DENND2B: variants seen among roughly 807,000 people sequenced by gnomAD.
DENND2B encodes the protein DENN domain-containing protein 2B.
Under a neutral mutation model 116.0 loss-of-function variants are expected in DENND2B, and 32 were observed. The observed-to-expected ratio is 0.28, with a 90% CI of 0.21 to 0.37. The LOEUF is 0.37. Among genes scored for constraint, DENND2B ranks in the 10% least tolerant of loss-of-function variants. The pLI is 1.00. For missense variants in DENND2B, 1,276 were observed against 1,477.7 expected, an observed-to-expected ratio of 0.86 and a Z score of 2.24; for synonymous variants, 588 against 583.9, an observed-to-expected ratio of 1.01 and a Z score of -0.10.
chr11:8,890,366 C>T (rs988123038), intron 1 of DENND2B, among the ~76,000 whole-genome samples: 1 of 152,100 alleles, frequency 6.6e-6, no homozygotes, highest in Non-Finnish European at 1.5e-5. Context: ...AAGCTCCTCG[C>T]CAGCAACAGA....
intron 2 of DENND2B, 98 bp downstream of exon 2, chr11:8,750,523 G>T: frequency 9.8e-7 from 1 of 1,016,904 alleles, no homozygotes; most frequent in Non-Finnish European, 1.5e-6. Context: ...TCACCTGGAT[G>T]ACTGTCAGTC....
intron 3 of DENND2B, among the ~76,000 whole-genome samples, chr11:8,856,393 T>C (rs2063193885): frequency 6.6e-6 from 1 of 152,236 alleles, no homozygotes; most frequent in African/African-American, 2.4e-5. Flanking sequence ...TTTCTGGGTA[T>C]GGAAAAATTT....
At chr11:8,820,820 C>CA (rs1445388393) in intron 4 of DENND2B, among the ~76,000 whole-genome samples, 1 of 152,110 alleles carries the variant, frequency 6.6e-6, no homozygotes, top group Non-Finnish European at 1.5e-5. Context: ...TATTGTGCAG[C>CA]CATTGTAAGA....
chr11:8,812,829 CA>C (rs2061438282), upstream of DENND2B, among the ~76,000 whole-genome samples: 1 of 152,188 alleles, frequency 6.6e-6, no homozygotes, highest in African/African-American at 2.4e-5. Context: ...TCACCAAAAA[CA>C]AACAAAAAAC....
intron 1 of DENND2B, among the ~76,000 whole-genome samples, chr11:8,755,176 G>A (rs1459888152): frequency 1.3e-5 from 2 of 152,180 alleles, no homozygotes; most frequent in Non-Finnish European, 2.9e-5. Flanking sequence ...CACGGAAGCT[G>A]AACAGTTTAC....
intron 13 of DENND2B, among the ~76,000 whole-genome samples, chr11:8,706,502 A>G (rs2042630105): frequency 6.7e-6 from 1 of 149,458 alleles, no homozygotes; most frequent in Non-Finnish European, 1.5e-5. Flanking sequence ...TTCTCTTTCC[A>G]TCTCCCTCCT....
chr11:8,846,550 C>T (rs542334126), intron 3 of DENND2B, among the ~76,000 whole-genome samples: 136 of 152,144 alleles, frequency 8.9e-4, no homozygotes, highest in Non-Finnish European at 9.1e-4. Context: ...CAGGGCAGAA[C>T]CTACAGATGG....
intron 2 of DENND2B, among the ~76,000 whole-genome samples, chr11:8,864,894 A>C (rs1165541465): frequency 6.6e-6 from 1 of 152,132 alleles, no homozygotes; most frequent in Non-Finnish European, 1.5e-5. Flanking sequence ...TCTAAATTCA[A>C]ACTTGTCCTT....
intron 2 of DENND2B, among the ~76,000 whole-genome samples, chr11:8,749,913 C>T (rs748271136): frequency 2.0e-5 from 3 of 152,184 alleles, no homozygotes; most frequent in Non-Finnish European, 4.4e-5. Flanking sequence ...GAGTACTGTG[C>T]ATCTATCTGT....
chr11:8,694,069 A>C lies in DENND2B; in HGVS notation c.*27T>G, dbSNP rs1186561400. The C allele has an allele frequency of 3.1e-6, 5 of 1,613,854 alleles. No homozygotes were observed. On this transcript the variant is annotated 3_prime_UTR_variant, in exon 20 of 20. Coordinates refer to ENST00000313726, the MANE Select transcript of DENND2B (RefSeq NM_213618.2). ...CCCCAGGCTTCAGGCTCTGCAAGGC[A>C]CTGGACTCTGCTACTGAGAAGGAGG...
Position 8,707,373 on chromosome 11 carries a change from C to G in DENND2B, c.2431-148G>C. ...GTGGTCTTGCCATGATCTGCACACT[C>G]TACCCTTCCCGTTTTCCTTGGCACT... On this transcript the variant is annotated intron_variant, in intron 12 of 19. Transcript: ENST00000313726. The surrounding 1 kb of genome is among the most constrained non-coding windows in gnomAD (Gnocchi z 4.8). 1 of 1,044,360 alleles carries G rather than the reference C, an allele frequency of 9.6e-7. No individual in the cohort carries two copies. Among genetic ancestry groups the G allele is most frequent in the Admixed American group, 2.9e-5 (1 of 34,466 alleles). 64.7% of individuals were successfully genotyped at this position (1,044,360 alleles called of 1,614,324 possible).
chr11:8,910,349 T>C (rs1226375995), intron 1 of DENND2B, among the ~76,000 whole-genome samples: 2 of 151,146 alleles, frequency 1.3e-5, no homozygotes, highest in Non-Finnish European at 2.9e-5. Context: ...CACCCCAAAA[T>C]GTAGACCAAG....
At position 8,714,698 on chromosome 11, in the gene DENND2B, T is replaced by C; in HGVS notation, c.1854A>G (p.Gln618=). 1.2e-6 allele frequency: 2 copies of C among 1,614,194 alleles called. No homozygotes were observed. The highest frequency in any genetic ancestry group is 1.7e-6 in the Non-Finnish European group (2 of 1,180,030). ...TGGCATTGTAGATGGAGTTAATTCT[T>C]TGGACAAGCTGGGTGAGAAAAGCAG... ...RRARRIPKLV[Q]RINSIYNAKR... The change falls in exon 7 of 20, where the codon CAA becomes CAG. Residue 618 remains glutamine (Q), a synonymous_variant. Transcript: ENST00000313726.
Position 8,712,774 on chromosome 11 carries a change from G to A in DENND2B, c.1988-39C>T. 1 of 1,579,024 alleles carries A rather than the reference G, an allele frequency of 6.3e-7. No individual in the cohort carries two copies. Among genetic ancestry groups the A allele is most frequent in the Non-Finnish European group, 8.6e-7 (1 of 1,163,250 alleles). The stretch of plus-strand genomic sequence containing the variant: ...GCACATCAGGGAATGGACCCTCACA[G>A]GCCTCATGTTAACTCCTCTACCCCT... On this transcript the variant is annotated intron_variant, in intron 8 of 19. Coordinates refer to ENST00000313726, the MANE Select transcript of DENND2B (RefSeq NM_213618.2). This position sits in a 1 kb window ranked among gnomAD's most constrained non-coding sequence, Gnocchi z 4.4.
intron 1 of DENND2B, among the ~76,000 whole-genome samples, chr11:8,883,716 A>G (rs2063928069): frequency 6.6e-6 from 1 of 152,236 alleles, no homozygotes; most frequent in Non-Finnish European, 1.5e-5. Flanking sequence ...ACAATTTTAT[A>G]CCACATTTTC....
chr11:8,802,267 C>A (rs1593916332), intron 1 of DENND2B, among the ~76,000 whole-genome samples: 2 of 151,100 alleles, frequency 1.3e-5, no homozygotes, highest in East Asian at 3.9e-4. Context: ...TGCCACTGCA[C>A]TCCAGCCTGG....
At chr11:8,880,999 AC>A (rs1226609624) in intron 2 of DENND2B, 1 of 152,178 alleles carries the variant, frequency 6.6e-6, no homozygotes, top group Non-Finnish European at 1.5e-5. Flanking sequence ...ATTTTGAAGA[AC>A]GACCCTTACC....
chr11:8,833,668 C>T (rs1450709428), intron 4 of DENND2B, among the ~76,000 whole-genome samples: 2 of 152,228 alleles, frequency 1.3e-5, no homozygotes, highest in East Asian at 3.9e-4. Flanking sequence ...AAGCAAAGAC[C>T]TTGGCTGCGA....
intron 1 of DENND2B, among the ~76,000 whole-genome samples, chr11:8,762,494 C>T (rs2054852044): frequency 6.6e-6 from 1 of 152,210 alleles, no homozygotes; most frequent in Non-Finnish European, 1.5e-5. Flanking sequence ...AAGGGGGCCT[C>T]CCCCTGTGAA....
Sources: allele counts gnomAD v4.1 joint callset (sites outside exome capture counted in the v4.1 genomes callset), GRCh38; gene constraint gnomAD v4.1.1; non-coding constraint Gnocchi (gnomAD v3.1); transcripts MANE v1.5; gene names NCBI Gene and HGNC (gene_info 2026-07-23, HGNC 2026-07-21).